The following CLGN variants were observed in gnomAD, a reference collection of about 807,000 sequenced individuals.
The protein encoded by CLGN is calmegin.
A neutral mutation model predicts 79.1 loss-of-function variants in CLGN; 62 were observed. The observed-to-expected ratio is 0.78, with a 90% CI of 0.64 to 0.97. The LOEUF (loss-of-function observed/expected upper bound fraction) is 0.97, where lower values mean the gene tolerates loss of function less well. Ranked by LOEUF, CLGN falls within the 50% of genes least tolerant of loss-of-function variation. CLGN has a pLI of 0.00. For missense variants in CLGN, 647 were observed against 715.5 expected (o/e 0.90, Z 1.09); for synonymous variants, 225 against 224.7 (o/e 1.00, Z -0.01).
At chr4:140,407,430 A>T (rs532464889) in intron 4 of CLGN, among the ~76,000 whole-genome samples, 1 of 152,218 alleles carries the variant, frequency 6.6e-6, no homozygotes, top group East Asian at 1.9e-4. Context: ...TAGAAAACCC[A>T]AAAGACTCAT....
intron 4 of CLGN, 49 bp downstream of exon 4, chr4:140,409,788 G>T: frequency 8.1e-7 from 1 of 1,241,518 alleles, no homozygotes; most frequent in Non-Finnish European, 1.1e-6. Flanking sequence ...AAAGTTTAGT[G>T]AACTCCAGGC....
intron 8 of CLGN, among the ~76,000 whole-genome samples, chr4:140,396,620 G>A (rs1431318483): frequency 2.0e-5 from 3 of 151,400 alleles, no homozygotes; most frequent in African/African-American, 2.4e-5. Flanking sequence ...GCAATAGTGC[G>A]ACCTCAGCTC....
At chr4:140,411,753 T>C (rs978553480) in intron 2 of CLGN, among the ~76,000 whole-genome samples, 2 of 152,142 alleles carry the variant, frequency 1.3e-5, no homozygotes, top group African/African-American at 4.8e-5. Context: ...CAATCTTCTA[T>C]GAAGTTTACT....
At chr4:140,416,994 T>C (rs1729346266) in intron 1 of CLGN, among the ~76,000 whole-genome samples, 1 of 152,096 alleles carries the variant, frequency 6.6e-6, no homozygotes. Context: ...TCAAAAAGCT[T>C]ATCCACCATG....
At chr4:140,418,997 T>G (rs545847029) in intron 1 of CLGN, among the ~76,000 whole-genome samples, 47 of 152,318 alleles carry the variant, frequency 3.1e-4, no homozygotes, top group African/African-American at 1.1e-3. Context: ...ATATGGCACA[T>G]ATACACCATG....
At chr4:140,403,899 AT>A (rs1483919541) in intron 5 of CLGN, among the ~76,000 whole-genome samples, 1 of 152,124 alleles carries the variant, frequency 6.6e-6, no homozygotes, top group Non-Finnish European at 1.5e-5. Flanking sequence ...GGTAACCTTA[AT>A]TTCTTTAGAG....
At chr4:140,427,021 TTTTGATCTCG>T (rs1192007957) in intron 1 of CLGN, among the ~76,000 whole-genome samples, 1 of 152,140 alleles carries the variant, frequency 6.6e-6, no homozygotes, top group Non-Finnish European at 1.5e-5. Flanking sequence ...GCCGAGCCTA[TTTTGATCTCG>T]TTTGGGTTTC....
chr4:140,399,078 T>C (rs1282979875), intron 7 of CLGN, 38 bp from the exon 8 acceptor site: 9 of 1,502,532 alleles, frequency 6.0e-6, no homozygotes, highest in Non-Finnish European at 8.1e-6. Context: ...GTTATCATTT[T>C]GATATACGCT....
At chr4:140,427,200 G>A (rs974534299) in intron 1 of CLGN, among the ~76,000 whole-genome samples, 1 of 152,186 alleles carries the variant, frequency 6.6e-6, no homozygotes, top group African/African-American at 2.4e-5. Context: ...AGCCCGCAGG[G>A]GAGGCCGGCC....
At chr4:140,411,451 A>T (rs894219414) in intron 2 of CLGN, among the ~76,000 whole-genome samples, 2 of 152,104 alleles carry the variant, frequency 1.3e-5, no homozygotes, top group African/African-American at 4.8e-5. Context: ...TCAACTGAGG[A>T]TGAATAAATA....
chr4:140,406,083 C>G lies in CLGN; in HGVS notation c.278G>C (p.Gly93Ala). Residue 93 changes from glycine (G) to alanine (A), a missense_variant and splice_region_variant, in exon 5 of 15, where the codon GGA becomes GCA. Physicochemically the swap from Gly to Ala is moderately conservative, Grantham distance 60. Transcript: ENST00000325617. ...TTTCAACTCTTCAATTTCCCATCTTCCTAAAAAATAAAGCAAAGCAAATTA... is the reference window on the plus strand; with the variant it reads ...TTTCAACTCTTCAATTTCCCATCTTGCTAAAAAATAAAGCAAAGCAAATTA... The part of the protein sequence containing the change: ...DMDEEISIYD[G>A]RWEIEELKEN... 6 of 1,610,596 alleles carry G rather than the reference C, an allele frequency of 3.7e-6. No individual in the cohort carries two copies. The highest frequency in any genetic ancestry group is 5.1e-6 in the Non-Finnish European group (6 of 1,178,950).
chr4:140,411,338 G>T (rs1014698534), intron 2 of CLGN, among the ~76,000 whole-genome samples: 4 of 152,166 alleles, frequency 2.6e-5, no homozygotes, highest in African/African-American at 7.2e-5. Context: ...ATAAAGCCAA[G>T]ACTGTCTGGC....
intron 2 of CLGN, 32 bp from the exon 3 acceptor site, chr4:140,410,658 T>C (rs1477890000): frequency 5.5e-6 from 7 of 1,282,828 alleles, no homozygotes; most frequent in Non-Finnish European, 7.9e-6. Context: ...TCTAAAGTTA[T>C]TCATTTTCAC....
intron 2 of CLGN, among the ~76,000 whole-genome samples, chr4:140,411,849 C>A (rs771973616): frequency 3.9e-5 from 6 of 152,038 alleles, no homozygotes; most frequent in Non-Finnish European, 8.8e-5. Flanking sequence ...TGATAGGCCA[C>A]CCCTAAAATC....
intron 5 of CLGN, among the ~76,000 whole-genome samples, chr4:140,404,064 C>T: frequency 6.6e-6 from 1 of 151,756 alleles, no homozygotes; most frequent in East Asian, 1.9e-4. Context: ...AACATACTTC[C>T]TTTTTTAATT....
chr4:140,391,922 C>T (rs966042882), intron 13 of CLGN, among the ~76,000 whole-genome samples: 1 of 151,888 alleles, frequency 6.6e-6, no homozygotes, highest in Non-Finnish European at 1.5e-5. Flanking sequence ...ATCTTCTACA[C>T]TCCCAGAGCC....
intron 13 of CLGN, among the ~76,000 whole-genome samples, chr4:140,391,989 C>G (rs1209398693): frequency 3.3e-5 from 5 of 151,894 alleles, no homozygotes; most frequent in Non-Finnish European, 7.4e-5. Flanking sequence ...GCTAGGCTCT[C>G]AAGCAACTGA....
intron 1 of CLGN, among the ~76,000 whole-genome samples, chr4:140,414,850 C>T (rs899226596): frequency 6.1e-4 from 92 of 150,630 alleles, no homozygotes; most frequent in African/African-American, 1.9e-3. Flanking sequence ...ATACAGAGAA[C>T]GCCACAAAGA....
chr4:140,393,430 T>C (rs1728813068), intron 11 of CLGN, among the ~76,000 whole-genome samples: 1 of 152,128 alleles, frequency 6.6e-6, no homozygotes, highest in Non-Finnish European at 1.5e-5. Flanking sequence ...TTAATAATGT[T>C]AAACTATAAA....
Sources: gnomAD v4.1 joint callset for allele counts (sites outside exome capture counted in the v4.1 genomes callset) on GRCh38, gnomAD v4.1.1 for gene constraint, MANE v1.5 for transcripts, NCBI Gene and HGNC (gene_info 2026-07-23, HGNC 2026-07-21) for gene names.